CNTROB: variants seen among roughly 807,000 people sequenced by gnomAD.
CNTROB encodes centrobin.
CNTROB carries 82 observed loss-of-function variants against 115.7 expected under a neutral mutation model. That is an observed-to-expected ratio of 0.71 (90% CI 0.59 to 0.85). The LOEUF is 0.85. CNTROB is among the 40% of genes least tolerant of loss of function. The probability of loss-of-function intolerance (pLI) is 0.00; values close to 1 mark genes in which losing one functional copy is unlikely to be tolerated. For missense variants in CNTROB, 1,014 were observed against 1,144.4 expected (o/e 0.89, Z 1.64); for synonymous variants, 439 against 456.4 (o/e 0.96, Z 0.49).
rs745814912 is a variant in CNTROB, at chr17:7,949,095, C to T, written c.2524C>T (p.Arg842Ter). The T allele has an allele frequency of 6.8e-6, 11 of 1,613,812 alleles. No homozygotes were observed. Among genetic ancestry groups the T allele is most frequent in the African/African-American group, 1.3e-5 (1 of 74,850 alleles). ...KRLEHSGTDG[R>*]GDNVPRRNTD... ...TGATTTGTGTAGCAGGACTGATGGC[C>T]GAGGGGATAATGTCCCCAGAAGGAA... The change falls in exon 18 of 19, where the codon CGA becomes TGA. Residue 842 changes from arginine to a stop codon, truncating the protein, a stop_gained. Transcript: ENST00000563694. LOFTEE classifies it high-confidence loss of function.
chr17:7,934,040 C>A (rs1205686143), intron 1 of CNTROB, 98 bp from the exon 2 acceptor site: 5 of 973,930 alleles, frequency 5.1e-6, no homozygotes, highest in Non-Finnish European at 1.6e-6. Flanking sequence ...TTTGGTTTTT[C>A]TTGTTTTCCA....
chr17:7,945,596 C>A, intron 12 of CNTROB, 132 bp from the exon 13 acceptor site: 1 of 962,706 alleles, frequency 1.0e-6, no homozygotes, highest in Non-Finnish European at 1.5e-6. Flanking sequence ...AACGGTCCTC[C>A]CAAAGTGTTG....
In CNTROB at chr17:7,944,191, T is replaced by C; in HGVS notation, c.1514T>C (p.Val505Ala). ...ELASQLAQFK[V>A]EMAEREERQQ... ...GCCAGTCAGCTAGCTCAGTTCAAGGTGGAAATGGCAGAACGAGAGGAACGG... is the reference window on the plus strand; with the variant it reads ...GCCAGTCAGCTAGCTCAGTTCAAGGCGGAAATGGCAGAACGAGAGGAACGG... Residue 505 changes from valine to alanine, a missense_variant, in exon 11 of 19, where the codon GTG (valine) becomes GCG (alanine). Transcript: ENST00000563694. This position sits in a 1 kb window ranked among gnomAD's most constrained non-coding sequence, Gnocchi z 4.0. 1 of 1,613,162 alleles carries C rather than the reference T, an allele frequency of 6.2e-7. No homozygotes were observed. Among genetic ancestry groups the C allele is most frequent in the South Asian group, 1.1e-5 (1 of 91,064 alleles).
chr17:7,948,136 G>C lies in CNTROB; in HGVS notation c.2210-21G>C. ...TTCTATGCCCCATTTCCTGATTCTT[G>C]GCATTCTTTCCTTTTGCTAGGTCCT... On this transcript the variant is annotated intron_variant, in intron 15 of 18. Coordinates refer to ENST00000563694, the MANE Select transcript of CNTROB (RefSeq NM_053051.5). This position sits in a 1 kb window ranked among gnomAD's most constrained non-coding sequence, Gnocchi z 4.4. 6.2e-7 allele frequency: 1 copy of C among 1,613,846 alleles called. No homozygotes were observed. Among genetic ancestry groups the C allele is most frequent in the South Asian group, 1.1e-5 (1 of 91,074 alleles).
chr17:7,935,105 G>A lies in CNTROB; in HGVS notation c.554G>A (p.Gly185Glu), dbSNP rs1290920539. 2 of 1,614,160 alleles carry A rather than the reference G, an allele frequency of 1.2e-6. No individual in the cohort carries two copies. Among genetic ancestry groups the A allele is most frequent in the South Asian group, 1.1e-5 (1 of 91,090 alleles). ...CCACTCAATCCCCCAGATTTTCAGG[G>A]GCTGAGAGATGCATTGGATTCAGAG... ...GPPLNPPDFQ[G>E]LRDALDSEHT... Residue 185 changes from glycine to glutamate, a missense_variant, in exon 4 of 19, where the codon GGG becomes GAG. By Grantham distance (98) the Gly-to-Glu change is moderately conservative. Transcript: ENST00000563694.
At position 7,933,172 on chromosome 17, in the gene CNTROB, G is replaced by T. The variant is rs759944922; in HGVS notation, c.93G>T (p.Ser31=). 2.5e-6 allele frequency: 4 copies of T among 1,614,090 alleles called. No homozygotes were observed. Among genetic ancestry groups the T allele is most frequent in the Admixed American group, 1.7e-5 (1 of 60,024 alleles). The change falls in exon 1 of 19, where the codon TCG becomes TCT. Residue 31 remains serine (S), a synonymous_variant. Coordinates refer to ENST00000563694, the MANE Select transcript of CNTROB (RefSeq NM_053051.5). ...SSEPPGLNQV[S]SEVTSQLYAS... ...AACCCCCTGGGCTCAACCAAGTGTC[G>T]TCTGAAGTGACCTCCCAGCTCTATG...
intron 7 of CNTROB, among the ~76,000 whole-genome samples, chr17:7,937,481 T>C (rs764729285): frequency 6.6e-6 from 1 of 152,140 alleles, no homozygotes; most frequent in East Asian, 1.9e-4. Context: ...TGTATCATCA[T>C]TAGAATATTA....
At chr17:7,935,359 G>A (rs560630880) in intron 4 of CNTROB, among the ~76,000 whole-genome samples, 9 of 152,196 alleles carry the variant, frequency 5.9e-5, no homozygotes, top group Admixed American at 2.0e-4. Context: ...AAAATTAGCC[G>A]GGCATGGTGG....
At chr17:7,938,214 A>T (rs1973434604) in intron 7 of CNTROB, among the ~76,000 whole-genome samples, 1 of 152,134 alleles carries the variant, frequency 6.6e-6, no homozygotes, top group Non-Finnish European at 1.5e-5. Flanking sequence ...CATGTTGGCC[A>T]GGCTGGTCTC....
intron 12 of CNTROB, chr17:7,945,488 A>G (rs1308948431): frequency 6.2e-6 from 3 of 480,212 alleles, no homozygotes; most frequent in African/African-American, 5.9e-5. Flanking sequence ...AGTAGCTGGG[A>G]CTACACACAC....
Position 7,939,942 on chromosome 17 carries a change from A to G in CNTROB, c.1165-154A>G, listed in dbSNP as rs1439071865. On this transcript the variant is annotated intron_variant, in intron 8 of 18. Coordinates refer to ENST00000563694, the MANE Select transcript of CNTROB (RefSeq NM_053051.5). The surrounding 1 kb of genome is among the most constrained non-coding windows in gnomAD (Gnocchi z 4.4). ...GGGGGTAATGAATACGTGAAAGGCC[A>G]AAGACTGAAATTCAACAGGGATGGG... 1.3e-5 allele frequency among the ~76,000 whole-genome samples: 2 copies of G among 152,190 alleles called. No individual in the cohort carries two copies.
rs1974782733 is a variant in CNTROB, at chr17:7,948,195, G to A, written c.2248G>A (p.Val750Met). Residue 750 changes from valine (V) to methionine (M), a missense_variant, in exon 16 of 19, where the codon GTG (valine) becomes ATG (methionine). Val to Met is a conservative substitution (Grantham distance 21). Transcript: ENST00000563694. This position sits in a 1 kb window ranked among gnomAD's most constrained non-coding sequence, Gnocchi z 4.4. ...CCCATCTTGGGAGGAAGCCCCTCAAGTGCCACGTATTCCACCGCCTGTCCA... is the reference window on the plus strand; with the variant it reads ...CCCATCTTGGGAGGAAGCCCCTCAAATGCCACGTATTCCACCGCCTGTCCA... ...TVPSWEEAPQ[V>M]PRIPPPVHKT... The A allele has an allele frequency of 6.2e-7, 1 of 1,614,096 alleles. No homozygotes were observed. The highest frequency in any genetic ancestry group is 1.1e-5 in the South Asian group (1 of 91,078).
rs1201187543 is a variant in CNTROB at position 7,935,050 on chromosome 17, C to G, written c.499C>G (p.Pro167Ala). ...SSAQALEELF[P>A]RYTSLRPGPP... ...AGCCCAAGCCCTGGAGGAGCTGTTT[C>G]CCCGCTACACCAGCCTTCGGCCAGG... The change falls in exon 4 of 19, where the codon CCC becomes GCC. Residue 167 changes from proline to alanine, a missense_variant. By Grantham distance (27) the Pro-to-Ala change is conservative. Transcript: ENST00000563694. 3 of 1,614,192 alleles carry G rather than the reference C, an allele frequency of 1.9e-6. No individual in the cohort carries two copies. Among genetic ancestry groups the G allele is most frequent in the South Asian group, 1.1e-5 (1 of 91,088 alleles).
At position 7,944,549 on chromosome 17, in the gene CNTROB, C is replaced by T. The variant is rs1444260073; in HGVS notation, c.1645C>T (p.Leu549=). The T allele has an allele frequency of 1.2e-6, 2 of 1,613,998 alleles. No individual in the cohort carries two copies. The highest frequency in any genetic ancestry group is 1.7e-6 in the Non-Finnish European group (2 of 1,180,006). The change falls in exon 12 of 19, where the codon CTG becomes TTG. Residue 549 remains leucine (L), a synonymous_variant. Coordinates refer to ENST00000563694, the MANE Select transcript of CNTROB (RefSeq NM_053051.5). This position sits in a 1 kb window ranked among gnomAD's most constrained non-coding sequence, Gnocchi z 4.0. The stretch of plus-strand genomic sequence containing the variant: ...GCAGCTGGAGGAGCAGCGGGTGGAG[C>T]TGGTGGAAAGACTGCAGGCCATGCT... ...NQQLEEQRVE[L]VERLQAMLQA...
At position 7,945,764 on chromosome 17, in the gene CNTROB, G is replaced by A. The variant is rs770500285; in HGVS notation, c.1771G>A (p.Glu591Lys). ...PAGPSSPGPQ[E>K]PEKEERRVWT... ...TGGACCCTCCAGCCCCGGGCCTCAG[G>A]AGCCCGAGAAGGAGGAGAGGAGGGT... Residue 591 changes from glutamate to lysine, a missense_variant, in exon 13 of 19, where the codon GAG becomes AAG. Transcript: ENST00000563694. 4 of 1,614,208 alleles carry A rather than the reference G, an allele frequency of 2.5e-6. No individual in the cohort carries two copies. In the East Asian group the frequency reaches 6.7e-5, roughly 27 times the overall value.
chr17:7,938,779 A>G (rs1973502721), intron 7 of CNTROB, among the ~76,000 whole-genome samples: 1 of 151,888 alleles, frequency 6.6e-6, no homozygotes, highest in Non-Finnish European at 1.5e-5. Context: ...CTTGTCAACT[A>G]TTGTGTTTGT....
chr17:7,948,140 T>C lies in CNTROB; in HGVS notation c.2210-17T>C, dbSNP rs745623605. On this transcript the variant is annotated splice_polypyrimidine_tract_variant and intron_variant, in intron 15 of 18. Transcript: ENST00000563694. The surrounding 1 kb of genome is among the most constrained non-coding windows in gnomAD (Gnocchi z 4.4). ...ATGCCCCATTTCCTGATTCTTGGCA[T>C]TCTTTCCTTTTGCTAGGTCCTCTGA... 46 of 1,613,924 alleles carry C rather than the reference T, an allele frequency of 2.9e-5. No individual in the cohort carries two copies. In the Admixed American group the frequency reaches 6.7e-4, roughly 23 times the overall value.
rs984094815 is a variant in CNTROB, at chr17:7,946,743, C to T, written c.1993+757C>T. 7.9e-5 allele frequency among the ~76,000 whole-genome samples: 12 copies of T among 152,122 alleles called. No homozygotes were observed. The South Asian group carries it at 2.3e-3, about 29-fold the overall frequency. On this transcript the variant is annotated intron_variant, in intron 13 of 18. Transcript: ENST00000563694. ...TTAGCAGGATGTGGTGGCACACACC[C>T]AAATTTCCAGCTACCCAGGGAGGCT...
In CNTROB at chr17:7,932,788, C is replaced by A; in HGVS notation, c.-292C>A. ...GTCGGGAAGAGGAGCTTCAGCAGCGCTGTTGTCCCACAGTAGGTCTTCTGT... is the reference window on the plus strand; with the variant it reads ...GTCGGGAAGAGGAGCTTCAGCAGCGATGTTGTCCCACAGTAGGTCTTCTGT... On this transcript the variant is annotated 5_prime_UTR_variant, in exon 1 of 19. In the 5' UTR this introduces an upstream ATG that the reference lacks. Coordinates refer to ENST00000563694, the MANE Select transcript of CNTROB (RefSeq NM_053051.5). The A allele has an allele frequency of 2.7e-6, 1 of 366,274 alleles. No individual in the cohort carries two copies. The highest frequency in any genetic ancestry group is 4.9e-6 in the Non-Finnish European group (1 of 203,082). The allele number at this position is 366,274 out of a possible 1,614,324, so 22.7% of individuals were successfully genotyped here.
Sources: gnomAD v4.1 joint callset for allele counts (sites outside exome capture counted in the v4.1 genomes callset) on GRCh38, gnomAD v4.1.1 for gene constraint, Gnocchi (gnomAD v3.1) non-coding constraint, MANE v1.5 for transcripts, NCBI Gene and HGNC (gene_info 2026-07-23, HGNC 2026-07-21) for gene names.